The following COL26A1 variants were observed in gnomAD, a reference collection of about 807,000 sequenced individuals.
The protein encoded by COL26A1 is collagen type XXVI alpha 1 chain.
Under a neutral mutation model 59.3 loss-of-function variants are expected in COL26A1, and 41 were observed. The ratio of observed to expected loss-of-function variants is 0.69; its 90% CI spans 0.54 to 0.90. COL26A1 has a LOEUF of 0.90. COL26A1 is among the 40% of genes least tolerant of loss of function. COL26A1 has a pLI of 0.00. For missense variants in COL26A1, 612 were observed against 602.3 expected (o/e 1.02, Z -0.17); for synonymous variants, 266 against 256.0 (o/e 1.04, Z -0.37).
rs114599386 is a variant in COL26A1, at chr7:101,535,635, C to T, written c.447+2492C>T. ...ACCCTGAGTGAGAGGACTGTGTCCT[C>T]TCTGTGTGCCTCGAGGGCTGGAGGG... On this transcript the variant is annotated intron_variant, in intron 4 of 12. Transcript: ENST00000313669. Among the ~76,000 whole-genome samples, 247 of 152,270 alleles carry T rather than the reference C, an allele frequency of 1.6e-3. 1 individual carries two copies. Among genetic ancestry groups the T allele is most frequent in the African/African-American group, 5.9e-3 (245 of 41,552 alleles).
chr7:101,455,507 T>TC (rs1036771287), intron 3 of COL26A1, among the ~76,000 whole-genome samples: 2 of 145,736 alleles, frequency 1.4e-5, no homozygotes, highest in African/African-American at 2.5e-5. Flanking sequence ...TCTTTTCTTT[T>TC]TTTTTTTTTT....
At chr7:101,528,319 C>T (rs1265085963) in intron 3 of COL26A1, among the ~76,000 whole-genome samples, 3 of 152,154 alleles carry the variant, frequency 2.0e-5, no homozygotes, top group Non-Finnish European at 2.9e-5. Flanking sequence ...TGCCTCAGGC[C>T]CTTGAAACAC....
intron 3 of COL26A1, among the ~76,000 whole-genome samples, chr7:101,462,047 T>C (rs1793627401): frequency 6.7e-6 from 1 of 148,288 alleles, no homozygotes; most frequent in Non-Finnish European, 1.5e-5. Context: ...TTACCCAGGC[T>C]GGAGTGCAGT....
At chr7:101,428,679 ATG>A (rs151054113) in intron 2 of COL26A1, among the ~76,000 whole-genome samples, 23 of 150,306 alleles carry the variant, frequency 1.5e-4, no homozygotes, top group Admixed American at 3.3e-4. Context: ...GTGTGTGTGT[ATG>A]TGTGTGTGTG....
intron 3 of COL26A1, among the ~76,000 whole-genome samples, chr7:101,510,900 T>TTCTTTC (rs61306738): frequency 4.1e-5 from 5 of 122,528 alleles, no homozygotes; most frequent in African/African-American, 1.9e-4. Flanking sequence ...CTTTCTTTCT[T>TTCTTTC]TTTTTTTTTT....
chr7:101,538,942 C>G (rs538336226), intron 4 of COL26A1, among the ~76,000 whole-genome samples: 21 of 152,358 alleles, frequency 1.4e-4, no homozygotes, highest in African/African-American at 4.8e-4. Flanking sequence ...AAGTTCCCAG[C>G]AGGGATCTCC....
At chr7:101,417,931 G>T (rs985133287) in intron 1 of COL26A1, among the ~76,000 whole-genome samples, 4 of 151,836 alleles carry the variant, frequency 2.6e-5, no homozygotes, top group Non-Finnish European at 5.9e-5. Flanking sequence ...CTCCATGTTG[G>T]CCAGGCTGGT....
At chr7:101,428,617 G>A (rs1430934745) in intron 2 of COL26A1, among the ~76,000 whole-genome samples, 1 of 152,050 alleles carries the variant, frequency 6.6e-6, no homozygotes, top group Non-Finnish European at 1.5e-5. Context: ...CATGTGTAAG[G>A]TTGTGGTGGA....
intron 8 of COL26A1, among the ~76,000 whole-genome samples, chr7:101,548,343 A>T (rs367744597): frequency 1.2e-4 from 19 of 152,302 alleles, no homozygotes; most frequent in African/African-American, 4.1e-4. Context: ...TCTTCCTAGC[A>T]GGCTGGAGAT....
chr7:101,415,387 C>T (rs1792349811), intron 1 of COL26A1, among the ~76,000 whole-genome samples: 1 of 152,120 alleles, frequency 6.6e-6, no homozygotes, highest in Non-Finnish European at 1.5e-5. Flanking sequence ...CTCCTGACTT[C>T]AGATGATCTA....
chr7:101,451,356 G>C (rs1475269589), intron 3 of COL26A1, among the ~76,000 whole-genome samples: 1 of 145,842 alleles, frequency 6.9e-6, no homozygotes, highest in African/African-American at 2.5e-5. Context: ...AACAATGTAT[G>C]TATTATATAA....
At chr7:101,552,595 C>T (rs186378722) in intron 10 of COL26A1, among the ~76,000 whole-genome samples, 384 of 151,718 alleles carry the variant, frequency 2.5e-3, no homozygotes, top group Non-Finnish European at 4.4e-3. Context: ...CCAGCCTGGG[C>T]AACAGAGCAA....
chr7:101,455,755 T>C (rs1793455759), intron 3 of COL26A1, among the ~76,000 whole-genome samples: 1 of 152,154 alleles, frequency 6.6e-6, no homozygotes, highest in Non-Finnish European at 1.5e-5. Context: ...TGATCTCAGC[T>C]CACTGCAACC....
At chr7:101,525,503 T>G (rs997787893) in intron 3 of COL26A1, among the ~76,000 whole-genome samples, 7 of 110,666 alleles carry the variant, frequency 6.3e-5, no homozygotes, top group East Asian at 4.7e-4. Flanking sequence ...GTTTTTTTGG[T>G]TTTTTTTTTT....
intron 3 of COL26A1, among the ~76,000 whole-genome samples, chr7:101,471,245 C>T (rs1249648795): frequency 6.6e-6 from 1 of 152,142 alleles, no homozygotes; most frequent in Non-Finnish European, 1.5e-5. Context: ...GGGCTTTATA[C>T]TTGCCTTGTG....
intron 3 of COL26A1, among the ~76,000 whole-genome samples, chr7:101,492,348 CA>C (rs1794478833): frequency 6.6e-6 from 1 of 152,048 alleles, no homozygotes; most frequent in Non-Finnish European, 1.5e-5. Flanking sequence ...CCATGGCCAT[CA>C]ACTACTGTCA....
At chr7:101,533,676 C>G (rs1272737101) in intron 4 of COL26A1, among the ~76,000 whole-genome samples, 2 of 152,138 alleles carry the variant, frequency 1.3e-5, no homozygotes, top group Admixed American at 6.5e-5. Flanking sequence ...GGAGAGAGGC[C>G]AAGAAGGGTA....
At chr7:101,435,062 C>T (rs946977262) in intron 2 of COL26A1, among the ~76,000 whole-genome samples, 4 of 152,082 alleles carry the variant, frequency 2.6e-5, no homozygotes, top group African/African-American at 4.8e-5. Context: ...TGGTGGCTCA[C>T]GCCTGTAATC....
chr7:101,431,460 A>C (rs868768244), intron 2 of COL26A1, among the ~76,000 whole-genome samples: 151 of 151,976 alleles, frequency 9.9e-4, no homozygotes, highest in African/African-American at 3.5e-3. Flanking sequence ...GGGTTTCACC[A>C]TGTTGCGTAG....
Sources: allele counts gnomAD v4.1 joint callset (sites outside exome capture counted in the v4.1 genomes callset), GRCh38; gene constraint gnomAD v4.1.1; transcripts MANE v1.5; gene names NCBI Gene and HGNC (gene_info 2026-07-23, HGNC 2026-07-21).